Variants in PCCA observed in about 807,000 individuals in gnomAD.
PCCA encodes propionyl-CoA carboxylase subunit alpha, also known as propionyl-CoA carboxylase alpha chain, mitochondrial.
PCCA carries 74 observed loss-of-function variants against 101.3 expected under a neutral mutation model. The ratio of observed to expected loss-of-function variants is 0.73; its 90% CI spans 0.61 to 0.89. The LOEUF (loss-of-function observed/expected upper bound fraction) is 0.89, where lower values mean the gene tolerates loss of function less well. Ranked by LOEUF, PCCA falls within the 40% of genes least tolerant of loss-of-function variation. The pLI, the probability that PCCA is intolerant of heterozygous loss-of-function variation, is 0.00. For missense variants in PCCA, 891 were observed against 907.0 expected, an observed-to-expected ratio of 0.98 and a Z score of 0.23; for synonymous variants, 294 against 313.6, an observed-to-expected ratio of 0.94 and a Z score of 0.66.
intron 21 of PCCA, among the ~76,000 whole-genome samples, chr13:100,475,971 C>T (rs1313293459): frequency 6.6e-6 from 1 of 152,002 alleles, no homozygotes; most frequent in East Asian, 1.9e-4. Context: ...ACAAACTTGA[C>T]CCCCCAAAAG....
At chr13:100,363,701 AT>A (rs2074878963) in intron 18 of PCCA, among the ~76,000 whole-genome samples, 1 of 152,080 alleles carries the variant, frequency 6.6e-6, no homozygotes, top group South Asian at 2.1e-4. Flanking sequence ...TTAACTCAGT[AT>A]TTTACTTCTA....
intron 6 of PCCA, among the ~76,000 whole-genome samples, chr13:100,163,438 A>C (rs1301273260): frequency 1.3e-5 from 2 of 152,220 alleles, no homozygotes; most frequent in South Asian, 4.1e-4. Flanking sequence ...GTATTTCTCC[A>C]TCTGTGATTT....
At chr13:100,298,991 A>G (rs759141879) in intron 12 of PCCA, among the ~76,000 whole-genome samples, 3 of 152,076 alleles carry the variant, frequency 2.0e-5, no homozygotes, top group Non-Finnish European at 4.4e-5. Flanking sequence ...GTTTAAAATT[A>G]TAAGTTTTAC....
At chr13:100,268,458 A>AT in intron 10 of PCCA, 1 of 579,640 alleles carries the variant, frequency 1.7e-6, no homozygotes, top group Admixed American at 2.7e-5. Flanking sequence ...TTGAAAGGTG[A>AT]TATGAACACT....
At chr13:100,209,502 A>G (rs1389715137) in intron 7 of PCCA, 39 bp downstream of exon 7, 5 of 1,569,570 alleles carry the variant, frequency 3.2e-6, no homozygotes, top group Admixed American at 1.7e-5. Flanking sequence ...TATGTCTTCA[A>G]GTTAAACATT....
At chr13:100,268,199 C>G (rs1053583645) in intron 10 of PCCA, among the ~76,000 whole-genome samples, 2 of 152,082 alleles carry the variant, frequency 1.3e-5, no homozygotes, top group Non-Finnish European at 2.9e-5. Context: ...TAGCAGTTTC[C>G]TAGAACAAAA....
chr13:100,408,388 C>G (rs1306062370), intron 19 of PCCA, among the ~76,000 whole-genome samples: 2 of 152,228 alleles, frequency 1.3e-5, no homozygotes, highest in African/African-American at 4.8e-5. Flanking sequence ...TTGACAACAT[C>G]TGCTCTTTAC....
rs552791594 is a variant in PCCA at position 100,181,454 on chromosome 13, G to A, written c.468+24114G>A. Reference sequence around the variant, plus strand: ...TTTGGAAACAGGGTGTTGCTCTGCCGCCTAGCCGGCCAGGCTAGAGTGTGG... The same window carrying A: ...TTTGGAAACAGGGTGTTGCTCTGCCACCTAGCCGGCCAGGCTAGAGTGTGG... On this transcript the variant is annotated intron_variant, in intron 6 of 23. Coordinates refer to ENST00000376285, the MANE Select transcript of PCCA (RefSeq NM_000282.4). 3.4e-4 allele frequency among the ~76,000 whole-genome samples: 52 copies of A among 152,170 alleles called. 1 individual carries two copies. In the South Asian group the frequency reaches 6.9e-3, roughly 20 times the overall value.
chr13:100,225,167 A>T (rs1282611553), intron 7 of PCCA, among the ~76,000 whole-genome samples: 3 of 152,196 alleles, frequency 2.0e-5, no homozygotes, highest in Admixed American at 2.0e-4. Context: ...AGACCCCTAA[A>T]ATAAAGTATT....
chr13:100,344,990 G>A (rs982701534), intron 18 of PCCA, among the ~76,000 whole-genome samples: 3 of 152,170 alleles, frequency 2.0e-5, no homozygotes, highest in Admixed American at 1.3e-4. Flanking sequence ...GTAAGGTGGT[G>A]AACTTAATTG....
intron 1 of PCCA, among the ~76,000 whole-genome samples, chr13:100,095,845 C>T (rs933520077): frequency 6.6e-6 from 1 of 151,756 alleles, no homozygotes; most frequent in Non-Finnish European, 1.5e-5. Context: ...GGCATTTAAG[C>T]ACATTGAATT....
Position 100,118,785 on chromosome 13 carries a change from G to A in PCCA, c.300+6724G>A, listed in dbSNP as rs183179952. On this transcript the variant is annotated intron_variant, in intron 4 of 23. Coordinates refer to ENST00000376285, the MANE Select transcript of PCCA (RefSeq NM_000282.4). ...GCTGGTCTTGAACTCCTGGGCTCAA[G>A]AGATCCTCTTGCCTTGGCCTCCCAA... 1.5e-3 allele frequency among the ~76,000 whole-genome samples: 231 copies of A among 152,260 alleles called. 2 individuals are homozygous for A. The highest frequency in any genetic ancestry group is 1.7e-3 in the Non-Finnish European group (114 of 68,014).
chr13:100,405,951 G>A (rs1242509636), intron 19 of PCCA, among the ~76,000 whole-genome samples: 2 of 151,900 alleles, frequency 1.3e-5, no homozygotes, highest in Non-Finnish European at 2.9e-5. Context: ...ACTTTTAGTA[G>A]AGACAAGATT....
chr13:100,277,811 C>G (rs1380907637), intron 12 of PCCA, among the ~76,000 whole-genome samples: 1 of 152,134 alleles, frequency 6.6e-6, no homozygotes, highest in African/African-American at 2.4e-5. Context: ...AGTGCCAGCC[C>G]ACCATTTTCA....
At chr13:100,508,082 A>C (rs529451282) in intron 21 of PCCA, among the ~76,000 whole-genome samples, 1 of 152,174 alleles carries the variant, frequency 6.6e-6, no homozygotes, top group East Asian at 1.9e-4. Context: ...GGATGAGGCT[A>C]GATTTTTGTA....
At chr13:100,182,724 G>C (rs1248642165) in intron 6 of PCCA, among the ~76,000 whole-genome samples, 2 of 151,986 alleles carry the variant, frequency 1.3e-5, no homozygotes, top group Non-Finnish European at 2.9e-5. Context: ...TGACTTCATT[G>C]CTCCTAAGCC....
At chr13:100,204,550 A>G (rs2058738178) in intron 6 of PCCA, among the ~76,000 whole-genome samples, 1 of 152,156 alleles carries the variant, frequency 6.6e-6, no homozygotes, top group South Asian at 2.1e-4. Flanking sequence ...ATAGCAATTT[A>G]CTAACTTGTG....
intron 6 of PCCA, among the ~76,000 whole-genome samples, 197 bp from the exon 7 acceptor site, chr13:100,209,135 T>C (rs2059050304): frequency 6.6e-6 from 1 of 152,184 alleles, no homozygotes; most frequent in South Asian, 2.1e-4. Flanking sequence ...TTGTTTTCAT[T>C]TGACTTTGTT....
At chr13:100,153,781 T>C (rs916014524) in intron 4 of PCCA, among the ~76,000 whole-genome samples, 2 of 152,176 alleles carry the variant, frequency 1.3e-5, no homozygotes, top group African/African-American at 2.4e-5. Context: ...ATTAAATAAT[T>C]ACCGAATGTA....
Sources: allele counts gnomAD v4.1 joint callset (sites outside exome capture counted in the v4.1 genomes callset), GRCh38; gene constraint gnomAD v4.1.1; transcripts MANE v1.5; gene names NCBI Gene and HGNC (gene_info 2026-07-23, HGNC 2026-07-21).